The following IL1RAPL2 variants were observed in gnomAD, a reference collection of about 807,000 sequenced individuals.
IL1RAPL2 encodes the protein interleukin 1 receptor accessory protein like 2.
A neutral mutation model predicts 44.1 loss-of-function variants in IL1RAPL2; 3 were observed. The ratio of observed to expected loss-of-function variants is 0.07; its 90% CI spans 0.03 to 0.18. The LOEUF (loss-of-function observed/expected upper bound fraction) is 0.18. Ranked by LOEUF, IL1RAPL2 falls within the 10% of genes least tolerant of loss-of-function variation. IL1RAPL2 has a pLI of 1.00. For synonymous variants in IL1RAPL2, 181 were observed against 178.8 expected, an observed-to-expected ratio of 1.01 and a Z score of -0.10; for missense variants, 391 against 496.4, an observed-to-expected ratio of 0.79 and a Z score of 2.02.
At chrX:105,520,199 G>A (rs1243220825) in intron 6 of IL1RAPL2, among the ~76,000 whole-genome samples, 1 of 111,543 alleles carries the variant, frequency 9.0e-6, no homozygotes, top group South Asian at 3.7e-4. Flanking sequence ...TAAGTGTTGG[G>A]AATGGATCAT....
chrX:105,536,066 T>C (rs1367138375), intron 6 of IL1RAPL2, among the ~76,000 whole-genome samples: 2 of 111,528 alleles, frequency 1.8e-5, no homozygotes, highest in Non-Finnish European at 3.8e-5. Context: ...TTTACAAATA[T>C]ATAGTTCTGA....
intron 2 of IL1RAPL2, among the ~76,000 whole-genome samples, chrX:105,102,114 T>C (rs2032678845): frequency 2.7e-5 from 3 of 111,895 alleles, no homozygotes; most frequent in African/African-American, 9.7e-5. Context: ...AGAGTAGTCA[T>C]GCAGAAAGTG....
At chrX:105,508,837 T>C (rs1210692588) in intron 6 of IL1RAPL2, among the ~76,000 whole-genome samples, 1 of 111,115 alleles carries the variant, frequency 9.0e-6, no homozygotes, top group Non-Finnish European at 1.9e-5. Flanking sequence ...TAAATCACAG[T>C]AAAACCACAG....
At chrX:105,235,765 A>G (rs1270631504) in intron 4 of IL1RAPL2, among the ~76,000 whole-genome samples, 1 of 112,498 alleles carries the variant, frequency 8.9e-6, no homozygotes, top group Non-Finnish European at 1.9e-5. Context: ...CATTCATTGT[A>G]GCTAAACTTG....
intron 2 of IL1RAPL2, among the ~76,000 whole-genome samples, chrX:104,936,621 C>CTT (rs1186693127): frequency 0.083 from 7,376 of 88,473 alleles, 1,170 homozygotes; most frequent in African/African-American, 0.32. Flanking sequence ...TTACCAGACT[C>CTT]TTTTTTTTTT....
chrX:104,679,893 G>A (rs1262786234), intron 2 of IL1RAPL2, among the ~76,000 whole-genome samples: 3 of 111,889 alleles, frequency 2.7e-5, no homozygotes, highest in Non-Finnish European at 5.6e-5. Flanking sequence ...CATTCAGGAA[G>A]CTCAACCTTT....
chrX:104,790,848 T>C (rs182729593), intron 2 of IL1RAPL2, among the ~76,000 whole-genome samples: 81 of 111,777 alleles, frequency 7.2e-4, no homozygotes, highest in African/African-American at 2.5e-3. Context: ...GTGATTCCTA[T>C]ATAAAAGTGA....
chrX:105,572,409 T>C (rs2037020479), intron 6 of IL1RAPL2, among the ~76,000 whole-genome samples: 1 of 111,916 alleles, frequency 8.9e-6, no homozygotes, highest in South Asian at 3.7e-4. Flanking sequence ...AGATAGTTCA[T>C]GGATGAAAAT....
chrX:105,343,671 A>G (rs1463361973), intron 5 of IL1RAPL2, among the ~76,000 whole-genome samples: 3 of 111,625 alleles, frequency 2.7e-5, no homozygotes, highest in Non-Finnish European at 5.6e-5. Context: ...GAGACCCACA[A>G]ATAAAATCAT....
chrX:105,191,189 A>G lies in IL1RAPL2; in HGVS notation c.83-4286A>G, dbSNP rs1457423378. On this transcript the variant is annotated intron_variant, in intron 2 of 10. Transcript: ENST00000372582. ...CTTCACTCCATTATAATTGTTTTGGAGAACTCAGATATTAAAGCATTTTGT... is the reference window on the plus strand; with the variant it reads ...CTTCACTCCATTATAATTGTTTTGGGGAACTCAGATATTAAAGCATTTTGT... Among the ~76,000 whole-genome samples, 4 of 112,257 alleles carry G rather than the reference A, an allele frequency of 3.6e-5. No individual in the cohort carries two copies. In the East Asian group the frequency reaches 1.1e-3, roughly 31 times the overall value.
chrX:105,484,536 C>T (rs771603954), intron 6 of IL1RAPL2, 149 bp downstream of exon 6: 4 of 456,221 alleles, frequency 8.8e-6, no homozygotes, highest in African/African-American at 2.4e-5. Flanking sequence ...GAGTTCAGTG[C>T]GATAGCAGTT....
rs772025195 is a variant in IL1RAPL2 at position 104,768,125 on chromosome X, A to C, written c.82+109130A>C. Among the ~76,000 whole-genome samples, 7 of 111,952 alleles carry C rather than the reference A, an allele frequency of 6.3e-5. No homozygotes were observed. In the East Asian group the frequency reaches 1.7e-3, roughly 27 times the overall value. ...CTCAATTTAGCTAATTAATACATGC[A>C]TCACCTCACATATTATTTTTTGTGG... On this transcript the variant is annotated intron_variant, in intron 2 of 10. Coordinates refer to ENST00000372582, the MANE Select transcript of IL1RAPL2 (RefSeq NM_017416.2).
intron 2 of IL1RAPL2, among the ~76,000 whole-genome samples, chrX:104,812,116 G>C (rs925885259): frequency 9.0e-6 from 1 of 110,650 alleles, no homozygotes; most frequent in African/African-American, 3.3e-5. Flanking sequence ...CATTTCAACC[G>C]ACAAACATTC....
intron 2 of IL1RAPL2, among the ~76,000 whole-genome samples, chrX:104,889,537 G>T (rs1164619048): frequency 9.0e-6 from 1 of 111,624 alleles, no homozygotes; most frequent in Non-Finnish European, 1.9e-5. Context: ...AACTGGACAG[G>T]CACCTGCACC....
intron 1 of IL1RAPL2, among the ~76,000 whole-genome samples, chrX:104,600,591 T>G (rs753186694): frequency 9.1e-6 from 1 of 109,708 alleles, no homozygotes; most frequent in East Asian, 2.9e-4. Context: ...TTGTGTGATG[T>G]TGAGATTTGG....
At chrX:105,718,745 C>A (rs1265574065) in intron 7 of IL1RAPL2, among the ~76,000 whole-genome samples, 2 of 110,862 alleles carry the variant, frequency 1.8e-5, no homozygotes, top group African/African-American at 6.6e-5. Context: ...TATGATAAAA[C>A]CCTGTCTCTC....
At chrX:105,033,789 A>G (rs2031563592) in intron 2 of IL1RAPL2, among the ~76,000 whole-genome samples, 1 of 111,990 alleles carries the variant, frequency 8.9e-6, no homozygotes, top group South Asian at 3.7e-4. Context: ...AGATTGGGGA[A>G]GTTCTCCTGG....
intron 8 of IL1RAPL2, among the ~76,000 whole-genome samples, chrX:105,747,195 T>C (rs2038550518): frequency 9.1e-6 from 1 of 109,600 alleles, no homozygotes; most frequent in Non-Finnish European, 1.9e-5. Context: ...TGAAATTTTT[T>C]TTTTACCTGA....
chrX:105,366,093 G>A (rs1290223657), intron 5 of IL1RAPL2, among the ~76,000 whole-genome samples: 3 of 110,747 alleles, frequency 2.7e-5, no homozygotes, highest in East Asian at 5.7e-4. Context: ...GATTACAGGC[G>A]CCTGCCATCA....
Sources: allele counts gnomAD v4.1 joint callset (sites outside exome capture counted in the v4.1 genomes callset), GRCh38; gene constraint gnomAD v4.1.1; transcripts MANE v1.5; gene names NCBI Gene and HGNC (gene_info 2026-07-23, HGNC 2026-07-21).